Variants in CUBN observed in about 807,000 individuals in gnomAD.
CUBN encodes the protein 460 kDa receptor.
A neutral mutation model predicts 405.3 loss-of-function variants in CUBN; 282 were observed. The observed-to-expected ratio is 0.70, with a 90% CI of 0.63 to 0.77. The LOEUF (loss-of-function observed/expected upper bound fraction) is 0.77, where lower values mean the gene tolerates loss of function less well. Among genes scored for constraint, CUBN ranks in the 30% least tolerant of loss-of-function variants. CUBN has a pLI of 0.00. For missense variants in CUBN, 4,514 were observed against 4,475.2 expected (o/e 1.01, Z -0.25); for synonymous variants, 1,684 against 1,617.0 (o/e 1.04, Z -0.99).
intron 31 of CUBN, among the ~76,000 whole-genome samples, chr10:16,979,261 T>C (rs1833192854): frequency 6.6e-6 from 1 of 152,136 alleles, no homozygotes; most frequent in Admixed American, 6.5e-5. Flanking sequence ...AAAATGGCCA[T>C]AATGTCCAAA....
At chr10:16,987,788 G>GT (rs753212870) in intron 29 of CUBN, among the ~76,000 whole-genome samples, 187 of 152,286 alleles carry the variant, frequency 1.2e-3, no homozygotes, top group Admixed American at 2.5e-3. Flanking sequence ...TTATTACAGC[G>GT]TTTTCCAAAT....
chr10:16,825,906 G>GT (rs1838762939), intron 66 of CUBN, among the ~76,000 whole-genome samples: 2 of 129,612 alleles, frequency 1.5e-5, no homozygotes, highest in Non-Finnish European at 3.3e-5. Context: ...AGTGAGTGTA[G>GT]ATTTTTTTTT....
At chr10:16,858,057 A>G (rs1430729110) in intron 59 of CUBN, among the ~76,000 whole-genome samples, 1 of 152,154 alleles carries the variant, frequency 6.6e-6, no homozygotes, top group Admixed American at 6.5e-5. Flanking sequence ...AATACCATTT[A>G]TAATCATTAC....
In CUBN at chr10:16,915,073, G is replaced by A. The variant is rs756453622; in HGVS notation, c.7310C>T (p.Thr2437Ile). Residue 2437 changes from threonine to isoleucine, a missense_variant, in exon 47 of 67, where the codon ACT becomes ATT. By Grantham distance (89) the Thr-to-Ile change is moderately conservative. Transcript: ENST00000377833. Reference sequence around the variant, plus strand: ...AAATCGCAGTCTGAATCCTGAGGCAGTCACAGAGCCGTCTGTGACAAACCT... The same window carrying A: ...AAATCGCAGTCTGAATCCTGAGGCAATCACAGAGCCGTCTGTGACAAACCT... ...VVRFVTDGSV[T>I]ASGFRLRFES... The A allele has an allele frequency of 7.4e-6, 12 of 1,614,114 alleles. No homozygotes were observed. Among genetic ancestry groups the A allele is most frequent in the Non-Finnish European group, 1.0e-5 (12 of 1,180,010 alleles).
intron 10 of CUBN, 85 bp downstream of exon 10, chr10:17,109,555 C>A: frequency 2.7e-6 from 3 of 1,108,618 alleles, no homozygotes; most frequent in Non-Finnish European, 4.1e-6. Context: ...ATTTTGAGAA[C>A]AGAGGATTTT....
At chr10:17,078,835 C>A (rs1192186845) in intron 17 of CUBN, among the ~76,000 whole-genome samples, 1 of 152,080 alleles carries the variant, frequency 6.6e-6, no homozygotes, top group Admixed American at 6.6e-5. Context: ...ACCAGCCATA[C>A]CCTCTATTTG....
chr10:17,085,117 G>GT (rs2131864730), intron 16 of CUBN, among the ~76,000 whole-genome samples: 2 of 152,246 alleles, frequency 1.3e-5, no homozygotes, highest in South Asian at 4.1e-4. Context: ...TTGTTTGTTT[G>GT]TTTTAAGGTA....
rs1211002551 is a variant in CUBN, at chr10:17,100,022, C to T, written c.1748G>A (p.Trp583Ter). 6.2e-7 allele frequency: 1 copy of T among 1,612,618 alleles called. No individual in the cohort carries two copies. The highest frequency in any genetic ancestry group is 8.5e-7 in the Non-Finnish European group (1 of 1,178,896). The change falls in exon 14 of 67, where the codon TGG (tryptophan) becomes TAG (stop). Residue 583 changes from tryptophan (W) to a stop codon, truncating the protein, a stop_gained. Coordinates refer to ENST00000377833, the MANE Select transcript of CUBN (RefSeq NM_001081.4). LOFTEE classifies it high-confidence loss of function. Reference protein sequence around the residue: ...LRNGRGFTVRWETQQPECGGI... With the variant: ...LRNGRGFTVR Reference sequence around the variant, plus strand: ...ACACATACCTGGTTGCTGTGTTTCCCATCTTACTGTAAAGCCTCTCCCATT... The same window carrying T: ...ACACATACCTGGTTGCTGTGTTTCCTATCTTACTGTAAAGCCTCTCCCATT...
intron 56 of CUBN, among the ~76,000 whole-genome samples, chr10:16,885,358 TGAG>T (rs978345774): frequency 2.6e-5 from 4 of 152,164 alleles, no homozygotes; most frequent in African/African-American, 7.2e-5. Flanking sequence ...TTCAACTGAG[TGAG>T]GATTGGCAAA....
At chr10:17,055,274 T>C (rs1835365335) in intron 22 of CUBN, among the ~76,000 whole-genome samples, 1 of 152,082 alleles carries the variant, frequency 6.6e-6, no homozygotes, top group African/African-American at 2.4e-5. Flanking sequence ...CACAAACTGA[T>C]GAATGGCATC....
chr10:16,940,005 G>C (rs1441298794), intron 37 of CUBN, 27 bp downstream of exon 37: 14 of 1,546,294 alleles, frequency 9.1e-6, no homozygotes, highest in Non-Finnish European at 1.2e-5. Flanking sequence ...TATTCTGGAA[G>C]CTATCACTAA....
At chr10:16,884,033 G>A (rs1221100551) in intron 56 of CUBN, among the ~76,000 whole-genome samples, 3 of 152,068 alleles carry the variant, frequency 2.0e-5, no homozygotes, top group Non-Finnish European at 4.4e-5. Context: ...AGGCTGGAGG[G>A]CAGTAGCGCA....
At chr10:16,843,919 A>G (rs1335235885) in intron 60 of CUBN, among the ~76,000 whole-genome samples, 1 of 152,208 alleles carries the variant, frequency 6.6e-6, no homozygotes, top group Non-Finnish European at 1.5e-5. Context: ...GGAGTGTATC[A>G]TGAGAACCCA....
At chr10:17,067,497 G>A (rs1162367222) in intron 21 of CUBN, among the ~76,000 whole-genome samples, 11 of 152,020 alleles carry the variant, frequency 7.2e-5, no homozygotes, top group African/African-American at 2.7e-4. Flanking sequence ...AAATCAAACA[G>A]ACTATCAAGA....
intron 43 of CUBN, among the ~76,000 whole-genome samples, chr10:16,921,969 C>A (rs897676748): frequency 5.3e-5 from 8 of 152,152 alleles, no homozygotes; most frequent in African/African-American, 1.9e-4. Context: ...GAGCTCCATA[C>A]CTGAGTCTGC....
Position 16,920,133 on chromosome 10 carries a change from A to G in CUBN, c.6651T>C (p.Cys2217=). ...CATCATGGATGTAGACGTTGCCCCC[A>G]CAGGCTGTGAGCAAACACACTTAAA... The part of the protein sequence containing the change: ...KIKYEAKSLA[C]GGNVYIHDAD... The change falls in exon 44 of 67, where the codon TGT becomes TGC. Residue 2217 remains cysteine (C), a synonymous_variant. Coordinates refer to ENST00000377833, the MANE Select transcript of CUBN (RefSeq NM_001081.4). 1.2e-6 allele frequency: 2 copies of G among 1,613,966 alleles called. No homozygotes were observed. Among genetic ancestry groups the G allele is most frequent in the Non-Finnish European group, 1.7e-6 (2 of 1,179,922 alleles).
intron 10 of CUBN, among the ~76,000 whole-genome samples, chr10:17,108,564 T>C (rs1462995087): frequency 6.6e-6 from 1 of 152,164 alleles, no homozygotes; most frequent in Non-Finnish European, 1.5e-5. Context: ...GATCTCTATT[T>C]GATGCTACGG....
intron 28 of CUBN, among the ~76,000 whole-genome samples, chr10:16,996,237 G>T (rs973203071): frequency 6.6e-6 from 1 of 152,204 alleles, no homozygotes; most frequent in East Asian, 1.9e-4. Flanking sequence ...TTAGACATCA[G>T]CTGAACTGGA....
intron 36 of CUBN, among the ~76,000 whole-genome samples, chr10:16,943,712 G>A (rs1308603562): frequency 1.3e-5 from 2 of 152,152 alleles, no homozygotes; most frequent in African/African-American, 4.8e-5. Context: ...TTGAAACAAG[G>A]AATCTGGCCC....
Sources: allele counts gnomAD v4.1 joint callset (sites outside exome capture counted in the v4.1 genomes callset), GRCh38; gene constraint gnomAD v4.1.1; transcripts MANE v1.5; gene names NCBI Gene and HGNC (gene_info 2026-07-23, HGNC 2026-07-21).